The following SEC14L1 variants were observed in gnomAD, a reference collection of about 807,000 sequenced individuals.
The protein encoded by SEC14L1 is SEC14-like protein 1.
A neutral mutation model predicts 85.3 loss-of-function variants in SEC14L1; 48 were observed. That is an observed-to-expected ratio of 0.56 (90% confidence interval 0.45 to 0.72). SEC14L1 has a LOEUF of 0.72. Ranked by LOEUF, SEC14L1 falls within the 30% of genes least tolerant of loss-of-function variation. The pLI, the probability that SEC14L1 is intolerant of heterozygous loss-of-function variation, is 0.00. For missense variants in SEC14L1, 682 were observed against 921.4 expected, an observed-to-expected ratio of 0.74 and a Z score of 3.36; for synonymous variants, 391 against 355.5, an observed-to-expected ratio of 1.10 and a Z score of -1.12.
chr17:77,180,774 C>T (rs1299701416), intron 3 of SEC14L1, among the ~76,000 whole-genome samples: 1 of 152,194 alleles, frequency 6.6e-6, no homozygotes, highest in African/African-American at 2.4e-5. Flanking sequence ...TATGCCGTAA[C>T]TGCTGGGATC....
chr17:77,197,396 T>G (rs1975870114), intron 8 of SEC14L1, among the ~76,000 whole-genome samples: 1 of 152,242 alleles, frequency 6.6e-6, no homozygotes, highest in Non-Finnish European at 1.5e-5. Flanking sequence ...TTCCTGCGTG[T>G]TAGTCAGCAA....
intron 3 of SEC14L1, among the ~76,000 whole-genome samples, chr17:77,171,476 A>G (rs1268192188): frequency 6.6e-6 from 1 of 152,232 alleles, no homozygotes; most frequent in Non-Finnish European, 1.5e-5. Flanking sequence ...TTATTCCCTC[A>G]GCTTCTAAAG....
intron 8 of SEC14L1, among the ~76,000 whole-genome samples, chr17:77,200,151 A>G (rs1976053555): frequency 6.6e-6 from 1 of 152,164 alleles, no homozygotes; most frequent in Admixed American, 6.5e-5. Flanking sequence ...GGGTGGCAGA[A>G]TAAGAGTCCC....
Position 77,190,909 on chromosome 17 carries a change from G to GGC in SEC14L1, c.173_174dup (p.Cys59AlafsTer6). 1 of 1,614,222 alleles carries GGC rather than the reference G, an allele frequency of 6.2e-7. No homozygotes were observed. Among genetic ancestry groups the GGC allele is most frequent in the East Asian group, 2.2e-5 (1 of 44,890 alleles). ...GATGGGGCTATTCATGTCATTGAAA[G>GGC]GCGCTGCAAGCTGGATGTAGATGCA... On this transcript the variant is annotated frameshift_variant, in exon 4 of 17. Coordinates refer to ENST00000436233, the MANE Select transcript of SEC14L1 (RefSeq NM_001143998.2). LOFTEE classifies it high-confidence loss of function.
intron 10 of SEC14L1, 91 bp downstream of exon 10, chr17:77,203,749 A>G (rs772171528): frequency 3.3e-6 from 3 of 918,030 alleles, no homozygotes; most frequent in Non-Finnish European, 3.4e-6. Flanking sequence ...GCCTGTTAGA[A>G]CAAACATGAA....
chr17:77,175,536 A>G (rs779060692), intron 3 of SEC14L1, among the ~76,000 whole-genome samples: 4 of 152,246 alleles, frequency 2.6e-5, no homozygotes, highest in East Asian at 1.9e-4. Context: ...GACTTATCCT[A>G]TAACCTTCAC....
At position 77,214,411 on chromosome 17, in the gene SEC14L1, G is replaced by A; in HGVS notation, c.*388G>A. The A allele has an allele frequency of 3.0e-6, 3 of 1,003,492 alleles. No homozygotes were observed. The highest frequency in any genetic ancestry group is 3.5e-5 in the African/African-American group (2 of 57,712). 62.2% of individuals were successfully genotyped at this position (1,003,492 alleles called of 1,614,324 possible). A position where few individuals can be genotyped will look rare whatever the true frequency, so the allele number is the denominator to read the frequency against. The stretch of plus-strand genomic sequence containing the variant: ...ATTCCTGTGACATCCTCCAGAGATG[G>A]CCCCTCCTCACCTGGGACGGAAGCT... On this transcript the variant is annotated 3_prime_UTR_variant, in exon 17 of 17. Transcript: ENST00000436233.
intron 3 of SEC14L1, chr17:77,098,929 AC>A (rs1971706533): frequency 6.6e-6 from 1 of 152,220 alleles, no homozygotes; most frequent in Non-Finnish European, 1.5e-5. Flanking sequence ...CACAAAAACT[AC>A]ATTCTCATAG....
intron 3 of SEC14L1, among the ~76,000 whole-genome samples, chr17:77,145,899 A>T (rs147067690): frequency 1.6e-3 from 240 of 152,182 alleles, no homozygotes; most frequent in Non-Finnish European, 2.4e-3. Context: ...GCTCACTCCT[A>T]GTTTTCCATG....
At chr17:77,108,776 A>C (rs1276525395) in intron 3 of SEC14L1, among the ~76,000 whole-genome samples, 5 of 87,880 alleles carry the variant, frequency 5.7e-5, no homozygotes, top group Non-Finnish European at 8.6e-5. Context: ...ATATACATTC[A>C]TCTCTGTCTC....
intron 3 of SEC14L1, among the ~76,000 whole-genome samples, chr17:77,153,777 T>C (rs1277761431): frequency 1.3e-5 from 2 of 152,148 alleles, no homozygotes; most frequent in African/African-American, 4.8e-5. Flanking sequence ...GATAGGGCTG[T>C]TGGGCTGCCT....
intron 2 of SEC14L1, among the ~76,000 whole-genome samples, chr17:77,090,717 C>T (rs1206317573): frequency 4.0e-5 from 6 of 150,340 alleles, no homozygotes; most frequent in Non-Finnish European, 5.9e-5. Context: ...GAGCTGGGCG[C>T]GGTGGCTCAC....
At position 77,126,174 on chromosome 17, in the gene SEC14L1, C is replaced by T. The variant is rs57248861; in HGVS notation, c.-135-16472C>T. The stretch of plus-strand genomic sequence containing the variant: ...TCAAAAAAAAGAAGGAATGGGAGTG[C>T]GATAGGAAGAGCTCTGTGAACACTG... On this transcript the variant is annotated intron_variant, in intron 3 of 19. Transcript: ENST00000392476. Among the ~76,000 whole-genome samples, 1,493 of 152,224 alleles carry T rather than the reference C, an allele frequency of 9.8e-3. 30 individuals carry two copies. The highest frequency in any genetic ancestry group is 0.034 in the African/African-American group (1,424 of 41,540).
intron 3 of SEC14L1, among the ~76,000 whole-genome samples, chr17:77,161,373 G>C (rs1199668083): frequency 1.3e-5 from 2 of 152,170 alleles, no homozygotes; most frequent in African/African-American, 4.8e-5. Flanking sequence ...TGTAATCCCA[G>C]CTCCTGGGGC....
intron 9 of SEC14L1, among the ~76,000 whole-genome samples, chr17:77,202,037 C>G (rs1419495015): frequency 6.6e-6 from 1 of 152,124 alleles, no homozygotes; most frequent in Non-Finnish European, 1.5e-5. Context: ...CCTTCTGGGA[C>G]TGTGCGGCAG....
rs1976623655 is a variant in SEC14L1 at position 77,209,331 on chromosome 17, T to C, written c.1477-11T>C. Reference sequence around the variant, plus strand: ...TTTGCACAGGTTTCACTGCTGTGTTTCTTCTTCCAGTGCGAAGTGCCAGAG... The same window carrying C: ...TTTGCACAGGTTTCACTGCTGTGTTCCTTCTTCCAGTGCGAAGTGCCAGAG... On this transcript the variant is annotated splice_polypyrimidine_tract_variant and intron_variant, in intron 13 of 16. Transcript: ENST00000436233. The C allele has an allele frequency of 1.2e-6, 2 of 1,613,870 alleles. No individual in the cohort carries two copies. The highest frequency in any genetic ancestry group is 8.5e-7 in the Non-Finnish European group (1 of 1,179,876).
intron 3 of SEC14L1, among the ~76,000 whole-genome samples, chr17:77,178,816 C>G (rs1455256766): frequency 6.6e-6 from 1 of 152,192 alleles, no homozygotes; most frequent in Non-Finnish European, 1.5e-5. Flanking sequence ...TGGCCACGTT[C>G]TCAGCAGCGC....
Position 77,214,172 on chromosome 17 carries a change from A to G in SEC14L1, c.*149A>G. On this transcript the variant is annotated 3_prime_UTR_variant, in exon 17 of 17. Coordinates refer to ENST00000436233, the MANE Select transcript of SEC14L1 (RefSeq NM_001143998.2). ...CTCAGATGGTAAACGTAGTCGTTTG[A>G]TCCCAAAACTACCTTGGCAGGTAGT... 7.0e-7 allele frequency: 1 copy of G among 1,423,106 alleles called. No individual in the cohort carries two copies. The highest frequency in any genetic ancestry group is 1.5e-5 in the South Asian group (1 of 65,836). The allele number at this position is 1,423,106 out of a possible 1,614,324, so 88.2% of individuals were successfully genotyped here. A position where few individuals can be genotyped will look rare whatever the true frequency, so the allele number is the denominator to read the frequency against.
chr17:77,098,024 A>T (rs1481357207), intron 3 of SEC14L1, among the ~76,000 whole-genome samples: 1 of 152,162 alleles, frequency 6.6e-6, no homozygotes, highest in Non-Finnish European at 1.5e-5. Flanking sequence ...GCCCTGGCAC[A>T]CAAGCAAAAG....
Sources: allele counts gnomAD v4.1 joint callset (sites outside exome capture counted in the v4.1 genomes callset), GRCh38; gene constraint gnomAD v4.1.1; transcripts MANE v1.5; gene names NCBI Gene and HGNC (gene_info 2026-07-23, HGNC 2026-07-21).